ACVR1: variants seen among roughly 807,000 people sequenced by gnomAD.
ACVR1 encodes the protein activin receptor type-1.
Under a neutral mutation model 57.1 loss-of-function variants are expected in ACVR1, and 38 were observed. The ratio of observed to expected loss-of-function variants is 0.67; its 90% confidence interval spans 0.51 to 0.87. The LOEUF (loss-of-function observed/expected upper bound fraction) is 0.87. Among genes scored for constraint, ACVR1 ranks in the 40% least tolerant of loss-of-function variants. The pLI, the probability that ACVR1 is intolerant of heterozygous loss-of-function variation, is 0.00. For missense variants in ACVR1, 463 were observed against 638.2 expected, an observed-to-expected ratio of 0.73 and a Z score of 2.96; for synonymous variants, 212 against 228.1, an observed-to-expected ratio of 0.93 and a Z score of 0.63.
At chr2:157,846,076 A>C (rs1336101198) in intron 1 of ACVR1, among the ~76,000 whole-genome samples, 2 of 152,208 alleles carry the variant, frequency 1.3e-5, no homozygotes, top group African/African-American at 4.8e-5. Context: ...GATTAAATTA[A>C]GAGTTTTGAG....
Position 157,766,207 on chromosome 2 carries a change from C to G in ACVR1, c.791-11G>C, listed in dbSNP as rs764646879. 6.2e-7 allele frequency: 1 copy of G among 1,613,224 alleles called. No homozygotes were observed. Among genetic ancestry groups the G allele is most frequent in the African/African-American group, 1.3e-5 (1 of 74,780 alleles). On this transcript the variant is annotated splice_polypyrimidine_tract_variant and intron_variant, in intron 7 of 10. Coordinates refer to ENST00000434821, the MANE Select transcript of ACVR1 (RefSeq NM_001111067.4). ...CTGAAGCAATGAAACCTGGAGAGAG[C>G]AAGAAAAAAATTAATATACATGAGG...
intron 1 of ACVR1, among the ~76,000 whole-genome samples, chr2:157,832,356 A>G (rs978104063): frequency 6.6e-6 from 1 of 152,232 alleles, no homozygotes; most frequent in African/African-American, 2.4e-5. Flanking sequence ...GAGGTATCAG[A>G]AGAAACTAAC....
intron 4 of ACVR1, among the ~76,000 whole-genome samples, chr2:157,778,946 C>T (rs1245441815): frequency 1.3e-5 from 2 of 152,196 alleles, no homozygotes; most frequent in Non-Finnish European, 2.9e-5. Context: ...AGGCCTTACC[C>T]ATTTCCATAT....
At chr2:157,872,231 C>T (rs1252199032) in intron 1 of ACVR1, among the ~76,000 whole-genome samples, 2 of 152,166 alleles carry the variant, frequency 1.3e-5, no homozygotes, top group African/African-American at 2.4e-5. Flanking sequence ...GGAGATTCTG[C>T]GGATTCCAAT....
At chr2:157,796,523 C>T (rs781365620) in intron 3 of ACVR1, among the ~76,000 whole-genome samples, 13 of 152,084 alleles carry the variant, frequency 8.5e-5, no homozygotes, top group Non-Finnish European at 1.6e-4. Context: ...CATTGCACCC[C>T]AACCTGGGTG....
rs1420473933 is a variant in ACVR1, at chr2:157,736,812, A to C, written c.*719T>G. ...AAAACATTTCTGTAATAAAATCATAAGACCACATAAAAATAAGCTTTAACA... is the reference window on the plus strand; with the variant it reads ...AAAACATTTCTGTAATAAAATCATACGACCACATAAAAATAAGCTTTAACA... On this transcript the variant is annotated 3_prime_UTR_variant, in exon 11 of 11. Coordinates refer to ENST00000434821, the MANE Select transcript of ACVR1 (RefSeq NM_001111067.4). 5.8e-6 allele frequency: 2 copies of C among 344,350 alleles called. No homozygotes were observed. The highest frequency in any genetic ancestry group is 1.1e-5 in the Non-Finnish European group (2 of 187,846). The allele number at this position is 344,350 out of a possible 1,614,324, so 21.3% of individuals were successfully genotyped here. A position where few individuals can be genotyped will look rare whatever the true frequency, so the allele number is the denominator to read the frequency against.
intron 9 of ACVR1, among the ~76,000 whole-genome samples, chr2:157,751,385 G>T (rs1685186079): frequency 6.6e-6 from 1 of 152,362 alleles, no homozygotes; most frequent in African/African-American, 2.4e-5. Flanking sequence ...ACTGGGAAAA[G>T]ACCACGGGGA....
At chr2:157,816,125 AT>A (rs35854968) in intron 2 of ACVR1, among the ~76,000 whole-genome samples, 3 of 152,210 alleles carry the variant, frequency 2.0e-5, no homozygotes, top group South Asian at 4.1e-4. Context: ...TGTTCCACCA[AT>A]TTTTAACATA....
chr2:157,819,236 A>G (rs1390165251), intron 1 of ACVR1, among the ~76,000 whole-genome samples: 1 of 151,966 alleles, frequency 6.6e-6, no homozygotes, highest in Admixed American at 6.6e-5. Flanking sequence ...TGCATGTACT[A>G]TTGTGTGCAT....
chr2:157,800,868 G>C (rs1687298657), intron 2 of ACVR1, among the ~76,000 whole-genome samples: 1 of 151,852 alleles, frequency 6.6e-6, no homozygotes, highest in East Asian at 1.9e-4. Flanking sequence ...GTTCCCCTCT[G>C]CTTGAACTGC....
intron 3 of ACVR1, among the ~76,000 whole-genome samples, chr2:157,785,810 G>C (rs1686691530): frequency 6.6e-6 from 1 of 152,184 alleles, no homozygotes; most frequent in African/African-American, 2.4e-5. Context: ...TTGAACTCCA[G>C]ATGTATTCTT....
intron 6 of ACVR1, among the ~76,000 whole-genome samples, chr2:157,771,309 G>A (rs1043924300): frequency 4.6e-5 from 7 of 152,190 alleles, no homozygotes; most frequent in African/African-American, 1.2e-4. Flanking sequence ...TTTGGAAAAC[G>A]TGGCAACTCT....
intron 5 of ACVR1, among the ~76,000 whole-genome samples, chr2:157,777,747 T>C (rs1686347550): frequency 1.3e-5 from 2 of 152,192 alleles, no homozygotes; most frequent in Admixed American, 6.5e-5. Context: ...AAATTAATAT[T>C]TAATATTCAG....
At chr2:157,848,605 G>A (rs7563276) in intron 1 of ACVR1, among the ~76,000 whole-genome samples, 11,394 of 152,186 alleles carry the variant, frequency 0.075, 466 homozygotes, top group African/African-American at 0.1. Context: ...AATGGTTGTC[G>A]TTTTATGCCA....
intron 6 of ACVR1, among the ~76,000 whole-genome samples, chr2:157,771,864 A>AT (rs1303093649): frequency 1.3e-5 from 2 of 152,236 alleles, no homozygotes; most frequent in East Asian, 3.8e-4. Flanking sequence ...ATTCCTTTTA[A>AT]TAAAGCCATA....
At chr2:157,852,269 G>A (rs546499969) in intron 1 of ACVR1, among the ~76,000 whole-genome samples, 8 of 152,064 alleles carry the variant, frequency 5.3e-5, no homozygotes, top group South Asian at 2.1e-4. Flanking sequence ...AGGCCGAGGC[G>A]GGTGGATCGC....
intron 1 of ACVR1, among the ~76,000 whole-genome samples, chr2:157,846,921 A>C (rs2105360813): frequency 6.6e-6 from 1 of 152,368 alleles, no homozygotes; most frequent in South Asian, 2.1e-4. Context: ...TAGGAAACTG[A>C]GAATAGCAGT....
chr2:157,812,491 G>A (rs1687784409), intron 2 of ACVR1, among the ~76,000 whole-genome samples: 1 of 151,802 alleles, frequency 6.6e-6, no homozygotes, highest in South Asian at 2.1e-4. Flanking sequence ...CCTGCATGGT[G>A]ATCACAAAAA....
At chr2:157,771,341 G>C (rs548539862) in intron 6 of ACVR1, among the ~76,000 whole-genome samples, 1 of 152,146 alleles carries the variant, frequency 6.6e-6, no homozygotes, top group African/African-American at 2.4e-5. Context: ...AATCTGTTTG[G>C]TGCATGGCCC....
Sources: gnomAD v4.1 joint callset for allele counts (sites outside exome capture counted in the v4.1 genomes callset) on GRCh38, gnomAD v4.1.1 for gene constraint, MANE v1.5 for transcripts, NCBI Gene and HGNC (gene_info 2026-07-23, HGNC 2026-07-21) for gene names.